Variants in THAP8 observed in about 807,000 individuals in gnomAD.
THAP8 encodes the protein THAP domain-containing protein 8.
Under a neutral mutation model 25.0 loss-of-function variants are expected in THAP8, and 24 were observed. The observed-to-expected ratio is 0.96, with a 90% CI of 0.69 to 1.35. The LOEUF (loss-of-function observed/expected upper bound fraction) is 1.35, where lower values mean the gene tolerates loss of function less well. Among genes scored for constraint, THAP8 ranks in the 40% most tolerant of loss-of-function variants. The pLI, the probability that THAP8 is intolerant of heterozygous loss-of-function variation, is 0.00. For missense variants in THAP8, 399 were observed against 368.8 expected (o/e 1.08, Z -0.67); for synonymous variants, 169 against 157.6 (o/e 1.07, Z -0.54).
intron 1 of THAP8, among the ~76,000 whole-genome samples, chr19:36,041,483 C>G (rs571432917): frequency 3.3e-5 from 5 of 152,016 alleles, no homozygotes; most frequent in Non-Finnish European, 7.4e-5. Flanking sequence ...GTGGGCAGGG[C>G]AGGGAAGAAG....
chr19:36,041,045 T>C (rs535284632), intron 1 of THAP8, among the ~76,000 whole-genome samples: 9 of 151,956 alleles, frequency 5.9e-5, no homozygotes, highest in African/African-American at 1.9e-4. Flanking sequence ...TGGCGGTTCA[T>C]GCCTGTAATC....
chr19:36,054,383 G>A, upstream of THAP8: 1 of 783,506 alleles, frequency 1.3e-6, no homozygotes, highest in Non-Finnish European at 2.1e-6. Context: ...CCTACTAGGC[G>A]CCCCTCCACA....
chr19:36,045,976 T>C, intron 1 of THAP8: 1 of 420,542 alleles, frequency 2.4e-6, no homozygotes, highest in Non-Finnish European at 4.7e-6. Context: ...AATAGTGTAA[T>C]AAAGGGAGAA....
chr19:36,050,783 A>C (rs1970033814), intron 1 of THAP8, among the ~76,000 whole-genome samples: 1 of 152,198 alleles, frequency 6.6e-6, no homozygotes, highest in Non-Finnish European at 1.5e-5. Flanking sequence ...CAATGTTGCC[A>C]GAGTCATACA....
At chr19:36,043,562 C>T (rs990866538) in intron 1 of THAP8, among the ~76,000 whole-genome samples, 3 of 152,036 alleles carry the variant, frequency 2.0e-5, no homozygotes, top group Non-Finnish European at 4.4e-5. Flanking sequence ...TGTATTTTGC[C>T]ACAGGTAAAA....
At chr19:36,046,468 G>T (rs147229125) in intron 1 of THAP8, among the ~76,000 whole-genome samples, 355 of 152,310 alleles carry the variant, frequency 2.3e-3, no homozygotes, top group Non-Finnish European at 2.8e-3. Context: ...CGGAGATGGG[G>T]AGAGCCAAGA....
chr19:36,037,380 A>ACACACC lies in THAP8; in HGVS notation c.673-1789_673-1788insGGTGTG, dbSNP rs1024146227. Among the ~76,000 whole-genome samples, 551 of 145,550 alleles carry ACACACC rather than the reference A, an allele frequency of 3.8e-3. 2 individuals are homozygous for ACACACC. The highest frequency in any genetic ancestry group is 0.021 in the South Asian group (93 of 4,530). On this transcript the variant is annotated intron_variant, in intron 3 of 3. Transcript: ENST00000292894. ...CACACACACACACACACACACACAC[A>ACACACC]CCCAGCAGTAAAATATAGAGGCAAA...
At chr19:36,049,618 T>G (rs936524613) in intron 1 of THAP8, among the ~76,000 whole-genome samples, 1 of 152,164 alleles carries the variant, frequency 6.6e-6, no homozygotes, top group Admixed American at 6.6e-5. Flanking sequence ...AATGAAGACA[T>G]GAAGTGATTT....
chr19:36,042,355 G>C (rs961853259), intron 1 of THAP8, among the ~76,000 whole-genome samples: 2 of 152,166 alleles, frequency 1.3e-5, no homozygotes, highest in Non-Finnish European at 2.9e-5. Context: ...AATCAGGCCT[G>C]GCGTGGTGGC....
chr19:36,045,069 CTTTA>C (rs141529354), intron 1 of THAP8, among the ~76,000 whole-genome samples: 12 of 151,258 alleles, frequency 7.9e-5, no homozygotes, highest in East Asian at 7.7e-4. Context: ...GTGACTATTA[CTTTA>C]TTTATTTATT....
intron 1 of THAP8, among the ~76,000 whole-genome samples, chr19:36,040,390 G>C (rs532935874): frequency 1.3e-5 from 2 of 152,110 alleles, no homozygotes; most frequent in Non-Finnish European, 2.9e-5. Context: ...GCAATGGCGC[G>C]ATCTTGGCTC....
intron 1 of THAP8, among the ~76,000 whole-genome samples, chr19:36,052,848 CAA>C (rs1970093092): frequency 1.3e-5 from 2 of 152,170 alleles, no homozygotes; most frequent in African/African-American, 4.8e-5. Context: ...TTTAGACAAC[CAA>C]AGTTTCCTAC....
intron 2 of THAP8, 85 bp from the exon 3 acceptor site, chr19:36,039,803 G>A (rs981313946): frequency 1.5e-4 from 231 of 1,507,942 alleles, no homozygotes; most frequent in Non-Finnish European, 1.7e-4. Flanking sequence ...TTTCCAAGGG[G>A]GACTTGCCTA....
chr19:36,049,679 TTA>T (rs1219925727), intron 1 of THAP8, among the ~76,000 whole-genome samples: 5 of 200 alleles, frequency 0.025, no homozygotes, highest in African/African-American at 0.053. Flanking sequence ...TTCCTCCTTA[TTA>T]TACATACAAA....
intron 1 of THAP8, among the ~76,000 whole-genome samples, chr19:36,051,154 T>A (rs571933089): frequency 6.6e-5 from 10 of 152,142 alleles, no homozygotes; most frequent in African/African-American, 2.4e-4. Context: ...CAGTTTTCCA[T>A]AGGGTGGTAG....
intron 3 of THAP8, among the ~76,000 whole-genome samples, chr19:36,035,851 T>C (rs1475135027): frequency 6.6e-6 from 1 of 150,836 alleles, no homozygotes; most frequent in Non-Finnish European, 1.5e-5. Context: ...GAAAGAGATG[T>C]GCAGGCAGAC....
At chr19:36,054,327 T>G, upstream of THAP8, 1 of 1,296,364 alleles carries the variant, frequency 7.7e-7, no homozygotes, top group Non-Finnish European at 1.1e-6. Flanking sequence ...TCACGTGACG[T>G]CCGTGGAGTC....
At chr19:36,049,375 A>G (rs1041164798) in intron 1 of THAP8, among the ~76,000 whole-genome samples, 3 of 151,990 alleles carry the variant, frequency 2.0e-5, no homozygotes, top group Admixed American at 1.3e-4. Context: ...AAAAAAAAAA[A>G]AGAGAGAGTG....
Position 36,054,182 on chromosome 19 carries a change from G to A in THAP8, c.36C>T (p.Asn12=). 1.2e-6 allele frequency: 2 copies of A among 1,613,920 alleles called. No homozygotes were observed. The highest frequency in any genetic ancestry group is 1.1e-5 in the South Asian group (1 of 91,064). ...PKYCRAPNCS[N]TAGRLGADNR... is the part of the protein sequence containing the mutation. ...TGTCTGCACCCAGGCGGCCCGCAGT[G>A]TTGGAGCAGTTCGGCGCCCTGCAGT... The change falls in exon 1 of 4, where the codon AAC becomes AAT. Residue 12 remains asparagine, a synonymous_variant. Transcript: ENST00000292894.
Sources: gnomAD v4.1 joint callset for allele counts (sites outside exome capture counted in the v4.1 genomes callset) on GRCh38, gnomAD v4.1.1 for gene constraint, MANE v1.5 for transcripts, NCBI Gene and HGNC (gene_info 2026-07-23, HGNC 2026-07-21) for gene names.